Variants in NAV1 observed in about 807,000 individuals in gnomAD.
NAV1 encodes neuron navigator 1.
A neutral mutation model predicts 175.2 loss-of-function variants in NAV1; 18 were observed. The ratio of observed to expected loss-of-function variants is 0.10; its 90% confidence interval spans 0.07 to 0.15. NAV1 has a LOEUF of 0.15. NAV1 is among the 10% of genes least tolerant of loss of function. NAV1 has a pLI of 1.00. For synonymous variants in NAV1, 897 were observed against 978.7 expected (o/e 0.92, Z 1.56); for missense variants, 1,731 against 2,436.6 (o/e 0.71, Z 6.10).
chr1:201,653,617 G>T (rs1669290388), intron 1 of NAV1, among the ~76,000 whole-genome samples: 1 of 152,178 alleles, frequency 6.6e-6, no homozygotes, highest in Non-Finnish European at 1.5e-5. Flanking sequence ...TCAGTGCATT[G>T]TGGGGCTGGG....
At chr1:201,603,025 C>T (rs1366383063) in intron 2 of NAV1, among the ~76,000 whole-genome samples, 1 of 152,152 alleles carries the variant, frequency 6.6e-6, no homozygotes, top group East Asian at 1.9e-4. Context: ...CTGAATTAAA[C>T]AGTGTCGGTG....
intron 1 of NAV1, among the ~76,000 whole-genome samples, chr1:201,711,278 C>T (rs1056020164): frequency 2.0e-5 from 3 of 152,174 alleles, no homozygotes; most frequent in African/African-American, 7.2e-5. Context: ...GAGAAGCTCC[C>T]CCTGGGAGGG....
chr1:201,798,708 T>C (rs1340656553), intron 15 of NAV1: 1 of 132,752 alleles, frequency 7.5e-6, no homozygotes, highest in Non-Finnish European at 1.6e-5. Context: ...TTTTTTTTTT[T>C]TTTTTTTTTT....
chr1:201,609,038 C>A (rs1465873669), intron 2 of NAV1, among the ~76,000 whole-genome samples: 2 of 152,210 alleles, frequency 1.3e-5, no homozygotes, highest in East Asian at 1.9e-4. Flanking sequence ...GAATTGCTTG[C>A]CCCGCTTTTC....
At chr1:201,582,916 T>C (rs1373468577) in intron 1 of NAV1, among the ~76,000 whole-genome samples, 3 of 152,236 alleles carry the variant, frequency 2.0e-5, no homozygotes, top group Non-Finnish European at 2.9e-5. Flanking sequence ...CCTTCTGAGA[T>C]CCAATCACAC....
chr1:201,809,187 A>C, exon 21 of NAV1: 1 of 1,613,980 alleles, frequency 6.2e-7, no homozygotes, highest in South Asian at 1.1e-5. Flanking sequence ...GGATGGCATC[A>C]GTACTTGTGG....
At chr1:201,699,362 A>G (rs1192463946) in intron 1 of NAV1, among the ~76,000 whole-genome samples, 3 of 152,178 alleles carry the variant, frequency 2.0e-5, no homozygotes, top group Non-Finnish European at 1.5e-5. Flanking sequence ...AGAATAAAAT[A>G]CCTAGGAATC....
At chr1:201,652,250 C>T (rs1421870722) in intron 1 of NAV1, among the ~76,000 whole-genome samples, 2 of 60,404 alleles carry the variant, frequency 3.3e-5, no homozygotes, top group Non-Finnish European at 6.2e-5. Flanking sequence ...ATTTCTGAGG[C>T]GGAGGGAGGG....
intron 1 of NAV1, among the ~76,000 whole-genome samples, chr1:201,574,013 G>C (rs574841970): frequency 6.6e-6 from 1 of 152,092 alleles, no homozygotes; most frequent in South Asian, 2.1e-4. Flanking sequence ...CTATGATAGT[G>C]GCGGCACTGC....
At chr1:201,701,029 A>AAAAAG (rs1553255900) in intron 1 of NAV1, among the ~76,000 whole-genome samples, 2 of 148,648 alleles carry the variant, frequency 1.3e-5, no homozygotes, top group African/African-American at 2.4e-5. Context: ...AAAAAAAAAA[A>AAAAAG]AAAGAAAGAA....
At chr1:201,619,067 G>A (rs559427187), upstream of NAV1, among the ~76,000 whole-genome samples, 1 of 152,316 alleles carries the variant, frequency 6.6e-6, no homozygotes, top group Admixed American at 6.5e-5. Context: ...AGTTGCGGAA[G>A]GAGGAGAGAG....
At chr1:201,631,552 C>T (rs748204905) in intron 2 of NAV1, among the ~76,000 whole-genome samples, 1 of 152,238 alleles carries the variant, frequency 6.6e-6, no homozygotes, top group Non-Finnish European at 1.5e-5. Context: ...CCCAGGGATT[C>T]ACTCCAGTGA....
chr1:201,568,122 T>G (rs1666416470), intron 1 of NAV1, among the ~76,000 whole-genome samples: 1 of 152,072 alleles, frequency 6.6e-6, no homozygotes, highest in African/African-American at 2.4e-5. Flanking sequence ...GGGCTGACAA[T>G]AAAAGGAGGC....
rs528308863 is a variant in NAV1, at chr1:201,750,249, T to C, written c.1227-30172T>C. 1.1e-4 allele frequency among the ~76,000 whole-genome samples: 16 copies of C among 152,282 alleles called. No homozygotes were observed. In the South Asian group the frequency reaches 1.7e-3, roughly 16 times the overall value. Reference sequence around the variant, plus strand: ...ATGTAATGAGTGCCTAAGGAAGGTATGAAAAACCCTTCCCTGGAAGTCTCC... The same window carrying C: ...ATGTAATGAGTGCCTAAGGAAGGTACGAAAAACCCTTCCCTGGAAGTCTCC... On this transcript the variant is annotated intron_variant, in intron 3 of 29. Coordinates refer to ENST00000367296, the Ensembl canonical transcript of NAV1. This position sits in a 1 kb window ranked among gnomAD's most constrained non-coding sequence, Gnocchi z 4.1.
intron 1 of NAV1, among the ~76,000 whole-genome samples, chr1:201,699,020 G>GT (rs1213090784): frequency 1.3e-5 from 2 of 152,204 alleles, no homozygotes; most frequent in African/African-American, 4.8e-5. Context: ...AGAAGAGCCA[G>GT]TGATGGCACA....
chr1:201,587,000 C>T (rs974973915), intron 1 of NAV1, among the ~76,000 whole-genome samples: 3 of 152,178 alleles, frequency 2.0e-5, no homozygotes, highest in Admixed American at 6.5e-5. Flanking sequence ...GCCCAGGAAT[C>T]TGAGACCAAC....
In NAV1 at chr1:201,782,325, T is replaced by C. The variant is rs759994112; in HGVS notation, c.1813T>C (p.Phe605Leu). 3 of 1,614,050 alleles carry C rather than the reference T, an allele frequency of 1.9e-6. No individual in the cohort carries two copies. In the African/African-American group the frequency reaches 4.0e-5, roughly 22 times the overall value. Residue 605 changes from phenylalanine to leucine, a missense_variant, in exon 6 of 30, where the codon TTT (phenylalanine) becomes CTT (leucine). Phe to Leu is a conservative substitution (Grantham distance 22). Coordinates refer to ENST00000367296, the Ensembl canonical transcript of NAV1. This position sits in a 1 kb window ranked among gnomAD's most constrained non-coding sequence, Gnocchi z 5.4. ...TGCTCGCCCCTCCACTTCGGGATCCTTTGGCTACAAGAAGCCTCCTCCTGC... is the reference window on the plus strand; with the variant it reads ...TGCTCGCCCCTCCACTTCGGGATCCCTTGGCTACAAGAAGCCTCCTCCTGC...
Position 201,782,934 on chromosome 1 carries a change from C to T in NAV1, c.2357+65C>T. 2.2e-6 allele frequency: 3 copies of T among 1,388,476 alleles called. No homozygotes were observed. The highest frequency in any genetic ancestry group is 2.8e-5 in the South Asian group (2 of 72,078). 86.0% of individuals were successfully genotyped at this position (1,388,476 alleles called of 1,614,324 possible). A position where few individuals can be genotyped will look rare whatever the true frequency, so the allele number is the denominator to read the frequency against. On this transcript the variant is annotated intron_variant, in intron 6 of 29. Coordinates refer to ENST00000367296, the Ensembl canonical transcript of NAV1. This position sits in a 1 kb window ranked among gnomAD's most constrained non-coding sequence, Gnocchi z 5.4. ...TGTCATTCTTTCGCATATCTCTGCCCTCCTTGGACTAGATGAGGCATGGCC... is the reference window on the plus strand; with the variant it reads ...TGTCATTCTTTCGCATATCTCTGCCTTCCTTGGACTAGATGAGGCATGGCC...
chr1:201,758,318 T>G (rs1254487657), intron 3 of NAV1, among the ~76,000 whole-genome samples: 1 of 152,212 alleles, frequency 6.6e-6, no homozygotes, highest in African/African-American at 2.4e-5. Flanking sequence ...TGTTGACATT[T>G]TATTTGGTGG....
Sources: allele counts gnomAD v4.1 joint callset (sites outside exome capture counted in the v4.1 genomes callset), GRCh38; gene constraint gnomAD v4.1.1; non-coding constraint Gnocchi (gnomAD v3.1); transcripts MANE v1.5; gene names NCBI Gene and HGNC (gene_info 2026-07-23, HGNC 2026-07-21).